PROCR: variants seen among roughly 807,000 people sequenced by gnomAD.
PROCR encodes the protein protein C receptor, also known as endothelial protein C receptor.
Under a neutral mutation model 24.2 loss-of-function variants are expected in PROCR, and 22 were observed. The ratio of observed to expected loss-of-function variants is 0.91; its 90% confidence interval spans 0.65 to 1.30. The LOEUF (loss-of-function observed/expected upper bound fraction) is 1.30, where lower values mean the gene tolerates loss of function less well. Ranked by LOEUF, PROCR falls within the 50% of genes most tolerant of loss-of-function variation. The probability of loss-of-function intolerance (pLI) is 0.00; values close to 1 mark genes in which losing one functional copy is unlikely to be tolerated. For synonymous variants in PROCR, 137 were observed against 139.2 expected, an observed-to-expected ratio of 0.98 and a Z score of 0.11; for missense variants, 288 against 307.7, an observed-to-expected ratio of 0.94 and a Z score of 0.48.
chr20:35,173,627 G>C (rs374186926), intron 1 of PROCR, among the ~76,000 whole-genome samples: 1 of 151,674 alleles, frequency 6.6e-6, no homozygotes, highest in Admixed American at 6.6e-5. Flanking sequence ...ATGGGGTTTC[G>C]CCATGTTGGC....
At chr20:35,213,796 A>G (rs1600759045) in intron 1 of PROCR, among the ~76,000 whole-genome samples, 1 of 152,322 alleles carries the variant, frequency 6.6e-6, no homozygotes, top group East Asian at 1.9e-4. Context: ...CCTTCCAGCC[A>G]GGCATGGTGG....
At chr20:35,210,813 A>G (rs2060360275) in intron 1 of PROCR, among the ~76,000 whole-genome samples, 1 of 151,346 alleles carries the variant, frequency 6.6e-6, no homozygotes, top group Non-Finnish European at 1.5e-5. Context: ...CCAGGGTTCA[A>G]GCGATTCTCC....
chr20:35,203,822 C>T (rs957178683), intron 1 of PROCR, among the ~76,000 whole-genome samples: 2 of 151,780 alleles, frequency 1.3e-5, no homozygotes, highest in Non-Finnish European at 2.9e-5. Flanking sequence ...GCTTTACATG[C>T]CTATGATAGA....
chr20:35,174,832 C>G lies in PROCR; in HGVS notation c.201C>G (p.Ile67Met). The G allele has an allele frequency of 6.2e-7, 1 of 1,614,088 alleles. No homozygotes were observed. The highest frequency in any genetic ancestry group is 1.6e-4 in the Middle Eastern group (1 of 6,062). ...AAGGCCCAGACACCAACACCACGAT[C>G]ATTCAGCTGCAGCCCTTGCAGGAGC... Reference protein sequence around the residue: ...VLEGPDTNTTIIQLQPLQEPE... With the variant: ...VLEGPDTNTTMIQLQPLQEPE... The change falls in exon 2 of 4, where the codon ATC becomes ATG. Residue 67 changes from isoleucine (I) to methionine (M), a missense_variant. Coordinates refer to ENST00000216968, the MANE Select transcript of PROCR (RefSeq NM_006404.5).
chr20:35,208,102 G>A (rs774982519), intron 1 of PROCR, among the ~76,000 whole-genome samples: 10 of 152,162 alleles, frequency 6.6e-5, no homozygotes, highest in Non-Finnish European at 1.3e-4. Flanking sequence ...TGATGGGAGA[G>A]AAGGGAAGGA....
chr20:35,204,468 C>T (rs1327335128), intron 1 of PROCR, among the ~76,000 whole-genome samples: 1 of 150,004 alleles, frequency 6.7e-6, no homozygotes, highest in East Asian at 2.0e-4. Context: ...CAGGGACTCA[C>T]TCCTGTTATT....
rs149841377 is a variant in PROCR, at chr20:35,215,472, C to T, written c.95-421C>T. ...TGTAATGTTTTGTGGTTATTTGTCACGCCTTTTATGTGCACAAGTCTTATC... is the reference window on the plus strand; with the variant it reads ...TGTAATGTTTTGTGGTTATTTGTCATGCCTTTTATGTGCACAAGTCTTATC... On this transcript the variant is annotated intron_variant, in intron 1 of 1. Coordinates refer to the PROCR transcript ENST00000634509. Among the ~76,000 whole-genome samples, 288 of 151,986 alleles carry T rather than the reference C, an allele frequency of 1.9e-3. 1 individual carries two copies. The highest frequency in any genetic ancestry group is 6.4e-3 in the African/African-American group (264 of 41,404).
At chr20:35,198,764 G>A (rs2060308598) in intron 1 of PROCR, among the ~76,000 whole-genome samples, 1 of 151,608 alleles carries the variant, frequency 6.6e-6, no homozygotes, top group Non-Finnish European at 1.5e-5. Flanking sequence ...ACCCAGGCTG[G>A]TGTGCAGTGG....
intron 1 of PROCR, among the ~76,000 whole-genome samples, chr20:35,188,354 C>T (rs1477433636): frequency 6.6e-6 from 1 of 152,126 alleles, no homozygotes; most frequent in Non-Finnish European, 1.5e-5. Context: ...AAGCTATGTA[C>T]TGAAAGAAAG....
intron 1 of PROCR, among the ~76,000 whole-genome samples, chr20:35,214,983 T>G (rs1326564209): frequency 6.8e-6 from 1 of 146,334 alleles, no homozygotes; most frequent in Non-Finnish European, 1.5e-5. Context: ...CTCAGCTCAC[T>G]GCAACCTCTG....
chr20:35,198,281 G>A (rs2060306126), intron 1 of PROCR, among the ~76,000 whole-genome samples: 1 of 141,928 alleles, frequency 7.0e-6, no homozygotes, highest in South Asian at 2.2e-4. Flanking sequence ...GACAGAGTGA[G>A]ACTCTGTCTC....
chr20:35,173,710 A>G (rs2085975752), intron 1 of PROCR, among the ~76,000 whole-genome samples: 1 of 152,100 alleles, frequency 6.6e-6, no homozygotes, highest in Admixed American at 6.6e-5. Context: ...GATTACAGGC[A>G]TGAGCCACCG....
intron 1 of PROCR, among the ~76,000 whole-genome samples, chr20:35,209,334 A>G (rs535609664): frequency 4.6e-5 from 7 of 152,272 alleles, no homozygotes; most frequent in Admixed American, 1.3e-4. Flanking sequence ...CTAGAGGAGG[A>G]AGACATTATG....
At chr20:35,190,267 T>C (rs1384863725) in intron 1 of PROCR, among the ~76,000 whole-genome samples, 1 of 152,178 alleles carries the variant, frequency 6.6e-6, no homozygotes, top group Non-Finnish European at 1.5e-5. Flanking sequence ...GATTTCTACA[T>C]ATCCCAAAAA....
intron 1 of PROCR, among the ~76,000 whole-genome samples, chr20:35,209,176 G>A (rs2060353063): frequency 6.6e-6 from 1 of 152,122 alleles, no homozygotes; most frequent in South Asian, 2.1e-4. Flanking sequence ...CTGGTCTGGA[G>A]GCTTAGGGAA....
chr20:35,171,885 G>A (rs960380764), upstream of PROCR, among the ~76,000 whole-genome samples: 1 of 152,250 alleles, frequency 6.6e-6, no homozygotes, highest in South Asian at 2.1e-4. Flanking sequence ...AAGGAGAAGG[G>A]AAAAGGCAGG....
At chr20:35,175,047 TGGGACTTGCAG>T in intron 2 of PROCR, 94 bp downstream of exon 2, 1 of 1,080,718 alleles carries the variant, frequency 9.3e-7, no homozygotes, top group Non-Finnish European at 1.2e-6. Flanking sequence ...GGAGGCGGGC[TGGGACTTGCAG>T]GGACCCGGCA....
intron 1 of PROCR, among the ~76,000 whole-genome samples, chr20:35,184,524 A>AC (rs2086105827): frequency 6.6e-6 from 1 of 151,620 alleles, no homozygotes; most frequent in Non-Finnish European, 1.5e-5. Context: ...ACACGGTGAA[A>AC]CCCATCTCTA....
chr20:35,173,578 T>C (rs191398198), intron 1 of PROCR, among the ~76,000 whole-genome samples: 1 of 151,988 alleles, frequency 6.6e-6, no homozygotes, highest in East Asian at 1.9e-4. Context: ...TACAGGCATG[T>C]ACCACCACGC....
Sources: gnomAD v4.1 joint callset for allele counts (sites outside exome capture counted in the v4.1 genomes callset) on GRCh38, gnomAD v4.1.1 for gene constraint, MANE v1.5 for transcripts, NCBI Gene and HGNC (gene_info 2026-07-23, HGNC 2026-07-21) for gene names.